The following TGFBR2 variants were observed in gnomAD, a reference collection of about 807,000 sequenced individuals.
TGFBR2 encodes the protein transforming growth factor beta receptor 2, also known as TGF-beta receptor type-2.
TGFBR2 carries 18 observed loss-of-function variants against 49.0 expected under a neutral mutation model. The ratio of observed to expected loss-of-function variants is 0.37; its 90% CI spans 0.25 to 0.54. TGFBR2 has a LOEUF of 0.54. Ranked by LOEUF, TGFBR2 falls within the 20% of genes least tolerant of loss-of-function variation. TGFBR2 has a pLI of 0.85. For missense variants in TGFBR2, 525 were observed against 722.6 expected, an observed-to-expected ratio of 0.73 and a Z score of 3.13; for synonymous variants, 282 against 275.9, an observed-to-expected ratio of 1.02 and a Z score of -0.22.
rs752752584 is a variant in TGFBR2 at position 30,606,858 on chromosome 3, G to T, written c.-26G>T. On this transcript the variant is annotated 5_prime_UTR_variant, in exon 1 of 7. Transcript: ENST00000295754. ...CGCCGTCCGCTGCGCTGGGGGCTCG[G>T]TCTATGACGAGCAGCGGGGTCTGCC... 23 of 1,461,796 alleles carry T rather than the reference G, an allele frequency of 1.6e-5. No homozygotes were observed. The highest frequency in any genetic ancestry group is 2.1e-5 in the Non-Finnish European group (23 of 1,087,786). The allele number at this position is 1,461,796 out of a possible 1,614,324, so 90.6% of individuals were successfully genotyped here. A position where few individuals can be genotyped will look rare whatever the true frequency, so the allele number is the denominator to read the frequency against.
chr3:30,608,064 G>C, intron 1 of TGFBR2, among the ~76,000 whole-genome samples: 1 of 151,096 alleles, frequency 6.6e-6, no homozygotes, highest in Non-Finnish European at 1.5e-5. Context: ...TTAGCCTCCC[G>C]AGTAGCTGGG....
Position 30,652,795 on chromosome 3 carries a change from A to G in TGFBR2, c.454+2335A>G, listed in dbSNP as rs78190551. Among the ~76,000 whole-genome samples the G allele has an allele frequency of 6.7e-3, 1,025 of 152,328 alleles. 10 individuals are homozygous for G. Among genetic ancestry groups the G allele is most frequent in the African/African-American group, 0.024 (984 of 41,568 alleles). ...ACAAGTTTATTTCCTCCAAAAGGACAAAAGTTGATAAATGGCCTGCAAGTT... is the reference window on the plus strand; with the variant it reads ...ACAAGTTTATTTCCTCCAAAAGGACGAAAGTTGATAAATGGCCTGCAAGTT... On this transcript the variant is annotated intron_variant, in intron 3 of 6. Coordinates refer to ENST00000295754, the MANE Select transcript of TGFBR2 (RefSeq NM_003242.6).
chr3:30,653,249 A>ATTTT (rs1559460069), intron 3 of TGFBR2, among the ~76,000 whole-genome samples: 1 of 57,664 alleles, frequency 1.7e-5, no homozygotes. Flanking sequence ...AGGAATGAAA[A>ATTTT]CTTTTTTTTT....
Position 30,622,828 on chromosome 3 carries a change from C to T in TGFBR2, c.94+15851C>T, listed in dbSNP as rs1575133616. Among the ~76,000 whole-genome samples the T allele has an allele frequency of 2.4e-5, 3 of 126,324 alleles. No homozygotes were observed. In the South Asian group the frequency reaches 8.2e-4, roughly 34 times the overall value. 82.9% of individuals were successfully genotyped at this position (126,324 alleles called of 152,430 possible). On this transcript the variant is annotated intron_variant, in intron 1 of 6. Coordinates refer to ENST00000295754, the MANE Select transcript of TGFBR2 (RefSeq NM_003242.6). ...CCAGGAGACAGTGGTTGCAGTGATC[C>T]GATATCGCACCACTGCACTCCAGCC...
intron 2 of TGFBR2, among the ~76,000 whole-genome samples, chr3:30,649,702 C>G (rs1243952270): frequency 6.6e-6 from 1 of 151,904 alleles, no homozygotes; most frequent in Non-Finnish European, 1.5e-5. Context: ...TCCCGTTTTT[C>G]TCAGCAGAAC....
chr3:30,609,865 A>T (rs918332696), intron 1 of TGFBR2, among the ~76,000 whole-genome samples: 1 of 152,094 alleles, frequency 6.6e-6, no homozygotes, highest in African/African-American at 2.4e-5. Flanking sequence ...GCCACTCAAC[A>T]TCTTATTTTT....
At chr3:30,660,525 AC>A (rs1467545314) in intron 3 of TGFBR2, among the ~76,000 whole-genome samples, 2 of 152,138 alleles carry the variant, frequency 1.3e-5, no homozygotes, top group South Asian at 2.1e-4. Flanking sequence ...ATTTTTCGTC[AC>A]GTTCCCCCTG....
At chr3:30,639,810 G>A (rs111452352) in intron 1 of TGFBR2, among the ~76,000 whole-genome samples, 10 of 152,228 alleles carry the variant, frequency 6.6e-5, no homozygotes, top group African/African-American at 2.2e-4. Context: ...AATGATACAC[G>A]AATGCATGAA....
At chr3:30,674,004 A>G in intron 4 of TGFBR2, 101 bp from the exon 5 acceptor site, 1 of 1,439,464 alleles carries the variant, frequency 6.9e-7, no homozygotes, top group Non-Finnish European at 9.7e-7. Flanking sequence ...ATTTTTTAAA[A>G]AAATCCTCTG....
chr3:30,607,904 T>G (rs1697960012), intron 1 of TGFBR2, among the ~76,000 whole-genome samples: 1 of 147,874 alleles, frequency 6.8e-6, no homozygotes, highest in Non-Finnish European at 1.5e-5. Context: ...TCTTAACTAT[T>G]TGTTATGGAA....
rs1475232883 is a variant in TGFBR2, at chr3:30,693,892, A to T, written c.*2293A>T. ...CAAGGAATAACATTCTGTAGTTCCT[A>T]AAAATACTGACTTTTTTCACTACTA... is the stretch of plus-strand genomic sequence containing the variant. On this transcript the variant is annotated 3_prime_UTR_variant, in exon 7 of 7. Transcript: ENST00000295754. 2 of 231,988 alleles carry T rather than the reference A, an allele frequency of 8.6e-6. No individual in the cohort carries two copies. Among genetic ancestry groups the T allele is most frequent in the East Asian group, 6.1e-5 (1 of 16,416 alleles). The allele number at this position is 231,988 out of a possible 1,614,324, so 14.4% of individuals were successfully genotyped here.
chr3:30,646,463 G>A (rs536771654), intron 2 of TGFBR2, among the ~76,000 whole-genome samples: 8 of 152,300 alleles, frequency 5.3e-5, no homozygotes, highest in South Asian at 4.1e-4. Flanking sequence ...AAGAGAGATC[G>A]TGGGTTCTGC....
intron 5 of TGFBR2, among the ~76,000 whole-genome samples, chr3:30,688,090 T>G (rs1022934157): frequency 2.0e-5 from 3 of 152,208 alleles, no homozygotes; most frequent in Non-Finnish European, 4.4e-5. Flanking sequence ...ATGCCTGTGT[T>G]AAAACCTAAG....
intron 3 of TGFBR2, among the ~76,000 whole-genome samples, chr3:30,654,353 GT>G (rs899190863): frequency 2.0e-5 from 3 of 152,112 alleles, no homozygotes; most frequent in Admixed American, 1.3e-4. Flanking sequence ...AAACCTTGCT[GT>G]TTTTTTCTTT....
rs1698862151 is a variant in TGFBR2 at position 30,650,469 on chromosome 3, T to C, written c.454+9T>C. ...CATCATCTTCTCAGAAGGTGAGTTT[T>C]CTTCTCTTAAGGGTGTGGGACCTGA... On this transcript the variant is annotated intron_variant, in intron 3 of 6. Coordinates refer to ENST00000295754, the MANE Select transcript of TGFBR2 (RefSeq NM_003242.6). The C allele has an allele frequency of 1.2e-6, 2 of 1,613,832 alleles. No homozygotes were observed. Among genetic ancestry groups the C allele is most frequent in the South Asian group, 1.1e-5 (1 of 91,082 alleles).
At chr3:30,607,799 A>AAATAAT (rs1367214755) in intron 1 of TGFBR2, among the ~76,000 whole-genome samples, 1 of 138,320 alleles carries the variant, frequency 7.2e-6, no homozygotes, top group African/African-American at 2.7e-5. Context: ...AAAATAAAAA[A>AAATAAT]ATATATATAT....
At chr3:30,639,131 T>C (rs1698596741) in intron 1 of TGFBR2, among the ~76,000 whole-genome samples, 1 of 152,126 alleles carries the variant, frequency 6.6e-6, no homozygotes, top group African/African-American at 2.4e-5. Context: ...AACTCCAAAA[T>C]GACTGGAGAA....
intron 1 of TGFBR2, among the ~76,000 whole-genome samples, 197 bp downstream of exon 1, chr3:30,607,174 G>C (rs1697938487): frequency 6.6e-6 from 1 of 152,188 alleles, no homozygotes; most frequent in Admixed American, 6.5e-5. Flanking sequence ...GAGAAGGAAA[G>C]TTCAGTTGCA....
At chr3:30,613,706 A>G (rs539433092) in intron 1 of TGFBR2, among the ~76,000 whole-genome samples, 1 of 152,194 alleles carries the variant, frequency 6.6e-6, no homozygotes, top group Non-Finnish European at 1.5e-5. Flanking sequence ...TGGAAGGACT[A>G]TGAACATTGT....
Sources: allele counts gnomAD v4.1 joint callset (sites outside exome capture counted in the v4.1 genomes callset), GRCh38; gene constraint gnomAD v4.1.1; transcripts MANE v1.5; gene names NCBI Gene and HGNC (gene_info 2026-07-23, HGNC 2026-07-21).